SCN1B: variants seen among roughly 807,000 people sequenced by gnomAD.
SCN1B encodes sodium voltage-gated channel beta subunit 1, also known as sodium channel regulatory subunit beta-1.
Under a neutral mutation model 25.7 loss-of-function variants are expected in SCN1B, and 11 were observed. The ratio of observed to expected loss-of-function variants is 0.43; its 90% confidence interval spans 0.27 to 0.71. The LOEUF (loss-of-function observed/expected upper bound fraction) is 0.71. Ranked by LOEUF, SCN1B falls within the 30% of genes least tolerant of loss-of-function variation. SCN1B has a pLI of 0.21. For synonymous variants in SCN1B, 119 were observed against 117.5 expected, an observed-to-expected ratio of 1.01 and a Z score of -0.08; for missense variants, 224 against 291.5, an observed-to-expected ratio of 0.77 and a Z score of 1.69.
In SCN1B at chr19:35,039,838, A is replaced by C. The variant is rs914956809; in HGVS notation, c.*47A>C. 3 of 909,292 alleles carry C rather than the reference A, an allele frequency of 3.3e-6. No individual in the cohort carries two copies. Among genetic ancestry groups the C allele is most frequent in the Non-Finnish European group, 1.7e-6 (1 of 585,854 alleles). The allele number at this position is 909,292 out of a possible 1,614,324, so 56.3% of individuals were successfully genotyped here. A position where few individuals can be genotyped will look rare whatever the true frequency, so the allele number is the denominator to read the frequency against. On this transcript the variant is annotated 3_prime_UTR_variant, in exon 6 of 6. Coordinates refer to ENST00000262631, the MANE Select transcript of SCN1B (RefSeq NM_001037.5). ...CAAGGAAGAGCCAGCCGTAATGGGGACTCTCCAGGCACCGCCTGCCCCCAG... is the reference window on the plus strand; with the variant it reads ...CAAGGAAGAGCCAGCCGTAATGGGGCCTCTCCAGGCACCGCCTGCCCCCAG...
Position 35,032,445 on chromosome 19 carries a change from G to C in SCN1B, c.41-83G>C. Reference sequence around the variant, plus strand: ...TCCTGTCTGCTGGTAATCATTGAGGGGGGAACAGATGGTTTGTGAGGGGTC... The same window carrying C: ...TCCTGTCTGCTGGTAATCATTGAGGCGGGAACAGATGGTTTGTGAGGGGTC... On this transcript the variant is annotated intron_variant, in intron 1 of 5. Coordinates refer to ENST00000262631, the MANE Select transcript of SCN1B (RefSeq NM_001037.5). This position sits in a 1 kb window ranked among gnomAD's most constrained non-coding sequence, Gnocchi z 4.3. 1 of 1,520,996 alleles carries C rather than the reference G, an allele frequency of 6.6e-7. No individual in the cohort carries two copies. 94.2% of individuals were successfully genotyped at this position (1,520,996 alleles called of 1,614,324 possible).
chr19:35,036,187 T>C (rs1230486317), intron 3 of SCN1B: 1 of 152,032 alleles, frequency 6.6e-6, no homozygotes, highest in East Asian at 1.9e-4. Context: ...TTTATTATAA[T>C]CCATCATACT....
chr19:35,030,972 T>C, intron 1 of SCN1B, 112 bp downstream of exon 1: 1 of 183,766 alleles, frequency 5.4e-6, no homozygotes, highest in Non-Finnish European at 1.1e-5. Flanking sequence ...CCCCGGCCCA[T>C]CCCCGGGCCC....
Position 35,030,846 on chromosome 19 carries a change from T to A in SCN1B, c.26T>A (p.Val9Asp). 2.0e-6 allele frequency: 2 copies of A among 995,174 alleles called. No individual in the cohort carries two copies. Among genetic ancestry groups the A allele is most frequent in the Non-Finnish European group, 2.5e-6 (2 of 795,154 alleles). The allele number at this position is 995,174 out of a possible 1,614,324, so 61.6% of individuals were successfully genotyped here. A position where few individuals can be genotyped will look rare whatever the true frequency, so the allele number is the denominator to read the frequency against. The change falls in exon 1 of 6, where the codon GTC (valine) becomes GAC (aspartate). Residue 9 changes from valine (V) to aspartate (D), a missense_variant. Physicochemically the swap from Val to Asp is radical, Grantham distance 152 (BLOSUM62 -3). This residue lies in a region of SCN1B where 46 missense variants were observed against 35.8 expected (regional missense o/e 1.29). Coordinates refer to ENST00000262631, the MANE Select transcript of SCN1B (RefSeq NM_001037.5). MGRLLALVVGAALVSSACG... is the reference protein window; with the variant it reads MGRLLALVDGAALVSSACG... ...ATGGGGAGGCTGCTGGCCTTAGTGG[T>A]CGGCGCGGCACTGGGTGAGTGCGCG...
chr19:35,033,975 C>T lies in SCN1B; in HGVS notation c.448+236C>T, dbSNP rs779470587. 8 of 1,552,016 alleles carry T rather than the reference C, an allele frequency of 5.2e-6. No homozygotes were observed. The Admixed American group carries it at 1.2e-4, about 23-fold the overall frequency. On this transcript the variant is annotated intron_variant, in intron 3 of 5. Coordinates refer to ENST00000262631, the MANE Select transcript of SCN1B (RefSeq NM_001037.5). ...CTGTCCCCCACAGACGCTCCGGGTA[C>T]AGAACCCAGCTCTGTCACCTGTGCT...
chr19:35,039,755 G>C, intron 5 of SCN1B, 42 bp from the exon 6 acceptor site: 4 of 1,562,702 alleles, frequency 2.6e-6, no homozygotes, highest in Non-Finnish European at 3.5e-6. Context: ...AGGGGCCGAA[G>C]TCCCCCAGGT....
intron 4 of SCN1B, 158 bp downstream of exon 4, chr19:35,039,416 TA>T: frequency 8.8e-7 from 1 of 1,132,300 alleles, no homozygotes; most frequent in South Asian, 1.3e-5. Context: ...AGACACAGGA[TA>T]GGGGTCGTCA....
intron 2 of SCN1B, 150 bp from the exon 3 acceptor site, chr19:35,033,349 C>T (rs2064226375): frequency 2.0e-6 from 3 of 1,500,376 alleles, no homozygotes; most frequent in African/African-American, 1.4e-5. Context: ...AGCCCCCCAC[C>T]CCTGTGCCCT....
chr19:35,038,941 G>A, intron 3 of SCN1B, 176 bp from the exon 4 acceptor site: 2 of 716,470 alleles, frequency 2.8e-6, no homozygotes, highest in South Asian at 1.5e-5. Context: ...ACACAGGGAG[G>A]CAGGTTGAGG....
rs779470587 is a variant in SCN1B at position 35,033,975 on chromosome 19, C to A, written c.448+236C>A. 31 of 1,551,898 alleles carry A rather than the reference C, an allele frequency of 2.0e-5. No homozygotes were observed. Among genetic ancestry groups the A allele is most frequent in the Non-Finnish European group, 2.6e-5 (30 of 1,147,014 alleles). ...CTGTCCCCCACAGACGCTCCGGGTA[C>A]AGAACCCAGCTCTGTCACCTGTGCT... On this transcript the variant is annotated intron_variant, in intron 3 of 5. Coordinates refer to ENST00000262631, the MANE Select transcript of SCN1B (RefSeq NM_001037.5).
At chr19:35,031,931 G>A (rs1264165420) in intron 1 of SCN1B, among the ~76,000 whole-genome samples, 1 of 152,138 alleles carries the variant, frequency 6.6e-6, no homozygotes, top group African/African-American at 2.4e-5. Context: ...GGATGATGGA[G>A]GCAGGAGAGG....
rs916923608 is a variant in SCN1B, at chr19:35,040,085, G to A, written c.*294G>A. On this transcript the variant is annotated 3_prime_UTR_variant, in exon 6 of 6. Transcript: ENST00000262631. Reference sequence around the variant, plus strand: ...TTGGGGAGGGGGGCGGTGAGGTGGGGGCAGCGGCCCCGCACCCCTCCTCCT... The same window carrying A: ...TTGGGGAGGGGGGCGGTGAGGTGGGAGCAGCGGCCCCGCACCCCTCCTCCT... The A allele has an allele frequency of 1.3e-5, 4 of 307,038 alleles. No homozygotes were observed. In the South Asian group the frequency reaches 1.3e-4, roughly 10 times the overall value. The allele number at this position is 307,038 out of a possible 1,614,324, so 19.0% of individuals were successfully genotyped here.
chr19:35,032,408 C>A lies in SCN1B; in HGVS notation c.41-120C>A. On this transcript the variant is annotated intron_variant, in intron 1 of 5. Transcript: ENST00000262631. This position sits in a 1 kb window ranked among gnomAD's most constrained non-coding sequence, Gnocchi z 4.3. ...TCACGCAGTGAGTGACAGGGCTCAG[C>A]CTAGCATCCAGTCCTGTCTGCTGGT... 8.5e-7 allele frequency: 1 copy of A among 1,178,672 alleles called. No homozygotes were observed. Among genetic ancestry groups the A allele is most frequent in the Non-Finnish European group, 1.2e-6 (1 of 809,862 alleles). 73.0% of individuals were successfully genotyped at this position (1,178,672 alleles called of 1,614,324 possible). A position where few individuals can be genotyped will look rare whatever the true frequency, so the allele number is the denominator to read the frequency against.
At chr19:35,031,307 G>A (rs1229278148) in intron 1 of SCN1B, 1 of 151,780 alleles carries the variant, frequency 6.6e-6, no homozygotes, top group African/African-American at 2.4e-5. Flanking sequence ...TGGTCCGCTG[G>A]GATGCTGGGG....
Position 35,033,717 on chromosome 19 carries a change from C to A in SCN1B, c.426C>A (p.Ile142=). The A allele has an allele frequency of 2.5e-6, 4 of 1,614,162 alleles. No homozygotes were observed. The highest frequency in any genetic ancestry group is 3.4e-6 in the Non-Finnish European group (4 of 1,180,032). Reference sequence around the variant, plus strand: ...ACAACACCAGCGTCGTCAAGAAGATCCACATTGAGGTAGTGGACAAAGGTG... The same window carrying A: ...ACAACACCAGCGTCGTCAAGAAGATACACATTGAGGTAGTGGACAAAGGTG... ...YEHNTSVVKK[I]HIEVVDKANR... Residue 142 remains isoleucine, a synonymous_variant, in exon 3 of 6, where the codon ATC becomes ATA. Coordinates refer to ENST00000262631, the MANE Select transcript of SCN1B (RefSeq NM_001037.5).
intron 3 of SCN1B, chr19:35,036,334 C>T (rs992921605): frequency 6.6e-6 from 1 of 152,086 alleles, no homozygotes; most frequent in Non-Finnish European, 1.5e-5. Flanking sequence ...ATCATTACCT[C>T]TGATACTACA....
Position 35,032,957 on chromosome 19 carries a change from G to A in SCN1B, c.207+263G>A, listed in dbSNP as rs138469772. Among the ~76,000 whole-genome samples, 925 of 152,300 alleles carry A rather than the reference G, an allele frequency of 6.1e-3. 9 individuals carry two copies. Among genetic ancestry groups the A allele is most frequent in the African/African-American group, 0.021 (858 of 41,550 alleles). ...TTGTGTGAGGACTGAATGCATTGAC[G>A]CACCTGGCACACGGTTGGCATGAAA... On this transcript the variant is annotated intron_variant, in intron 2 of 5. Transcript: ENST00000262631. This position sits in a 1 kb window ranked among gnomAD's most constrained non-coding sequence, Gnocchi z 4.3.
At chr19:35,038,794 T>C (rs1339975193) in intron 3 of SCN1B, 11 of 426,412 alleles carry the variant, frequency 2.6e-5, no homozygotes, top group Admixed American at 3.5e-5. Flanking sequence ...CCTAGAGACA[T>C]TGAGTCACTT....
At position 35,033,528 on chromosome 19, in the gene SCN1B, G is replaced by C; in HGVS notation, c.237G>C (p.Gln79His). Residue 79 changes from glutamine (Q) to histidine (H), a missense_variant, in exon 3 of 6, where the codon CAG becomes CAC. By Grantham distance (24) the Gln-to-His change is conservative. Around this residue, in one of 3 missense-constraint regions of SCN1B, gnomAD observed 126 missense variants for 204.9 expected, o/e 0.61. Transcript: ENST00000262631. ...TGCGCTATGAGAATGAGGTGTTGCA[G>C]CTGGAGGAGGATGAGCGCTTCGAGG... Reference protein sequence around the residue: ...KILRYENEVLQLEEDERFEGR... With the variant: ...KILRYENEVLHLEEDERFEGR... 1 of 1,614,040 alleles carries C rather than the reference G, an allele frequency of 6.2e-7. No homozygotes were observed. The highest frequency in any genetic ancestry group is 8.5e-7 in the Non-Finnish European group (1 of 1,179,976).
Sources: allele counts gnomAD v4.1 joint callset (sites outside exome capture counted in the v4.1 genomes callset), GRCh38; gene constraint gnomAD v4.1.1; regional missense constraint gnomAD v4.1.1; non-coding constraint Gnocchi (gnomAD v3.1); transcripts MANE v1.5; gene names NCBI Gene and HGNC (gene_info 2026-07-23, HGNC 2026-07-21).